The following RBFOX1 variants were observed in gnomAD, a reference collection of about 807,000 sequenced individuals.
RBFOX1 encodes RNA binding protein fox-1 homolog 1.
A neutral mutation model predicts 57.7 loss-of-function variants in RBFOX1; 8 were observed. That is an observed-to-expected ratio of 0.14 (90% CI 0.08 to 0.25). The LOEUF is 0.25. RBFOX1 is among the 10% of genes least tolerant of loss of function. The probability of loss-of-function intolerance (pLI) is 1.00; values close to 1 mark genes in which losing one functional copy is unlikely to be tolerated. For synonymous variants in RBFOX1, 326 were observed against 222.4 expected, an observed-to-expected ratio of 1.47 and a Z score of -4.15; for missense variants, 611 against 548.5, an observed-to-expected ratio of 1.11 and a Z score of -1.14.
chr16:7,350,947 C>T (rs576090517), intron 4 of RBFOX1, among the ~76,000 whole-genome samples: 2 of 152,182 alleles, frequency 1.3e-5, no homozygotes, highest in Non-Finnish European at 2.9e-5. Context: ...CCTGCCTGAG[C>T]ATGGAAGATC....
chr16:5,755,708 C>G (rs550991847), intron 3 of RBFOX1, among the ~76,000 whole-genome samples: 2 of 152,348 alleles, frequency 1.3e-5, no homozygotes, highest in East Asian at 1.9e-4. Flanking sequence ...AAGCGATTCT[C>G]CTGACTCGGC....
chr16:6,741,249 A>G (rs1310040269), intron 3 of RBFOX1, among the ~76,000 whole-genome samples: 1 of 152,240 alleles, frequency 6.6e-6, no homozygotes, highest in Admixed American at 6.5e-5. Context: ...TCGTAGGTTA[A>G]ATTGAAAACA....
At chr16:5,385,564 C>G (rs547788262) in intron 1 of RBFOX1, among the ~76,000 whole-genome samples, 2 of 152,266 alleles carry the variant, frequency 1.3e-5, no homozygotes, top group East Asian at 3.9e-4. Flanking sequence ...CCTTAAATGA[C>G]CTAGATCAGC....
At chr16:6,092,199 T>G (rs1188935146) in intron 1 of RBFOX1, among the ~76,000 whole-genome samples, 1 of 152,222 alleles carries the variant, frequency 6.6e-6, no homozygotes, top group Non-Finnish European at 1.5e-5. Flanking sequence ...CTAAGATTTA[T>G]TTATTGAGTG....
chr16:7,370,684 A>G (rs760814610), intron 4 of RBFOX1, among the ~76,000 whole-genome samples: 1 of 152,204 alleles, frequency 6.6e-6, no homozygotes, highest in African/African-American at 2.4e-5. Context: ...TTGCTAGTTC[A>G]TATTGAATTT....
intron 4 of RBFOX1, among the ~76,000 whole-genome samples, chr16:7,228,887 A>T (rs543184255): frequency 6.6e-6 from 1 of 152,180 alleles, no homozygotes; most frequent in African/African-American, 2.4e-5. Context: ...GCTTCACGTT[A>T]TCTGTTGCAT....
At chr16:6,531,596 A>T (rs2096658887) in intron 2 of RBFOX1, among the ~76,000 whole-genome samples, 1 of 152,162 alleles carries the variant, frequency 6.6e-6, no homozygotes. Context: ...GGTTTCAATA[A>T]AAGTGGCCTT....
chr16:6,222,278 C>T (rs1308061887), intron 1 of RBFOX1, among the ~76,000 whole-genome samples: 2 of 152,126 alleles, frequency 1.3e-5, no homozygotes, highest in African/African-American at 4.8e-5. Flanking sequence ...AAAATTATTT[C>T]TGACCTTCTT....
chr16:5,722,790 T>G (rs2051985171), intron 3 of RBFOX1, among the ~76,000 whole-genome samples: 1 of 152,204 alleles, frequency 6.6e-6, no homozygotes, highest in South Asian at 2.1e-4. Context: ...CAGTCTCGGC[T>G]TACCTCTGTT....
intron 3 of RBFOX1, among the ~76,000 whole-genome samples, chr16:5,616,817 A>T (rs1452239035): frequency 1.0e-5 from 1 of 100,090 alleles, no homozygotes; most frequent in Non-Finnish European, 1.9e-5. Context: ...CCCCTCCTCC[A>T]TCCTCTTCTT....
At chr16:5,993,031 G>A (rs189251373) in intron 4 of RBFOX1, among the ~76,000 whole-genome samples, 117 of 152,240 alleles carry the variant, frequency 7.7e-4, no homozygotes, top group South Asian at 1.2e-3. Context: ...GGGGACCCTG[G>A]GCTTGAGCCT....
intron 3 of RBFOX1, among the ~76,000 whole-genome samples, chr16:6,694,736 G>A (rs1221979724): frequency 6.6e-6 from 1 of 152,162 alleles, no homozygotes; most frequent in Non-Finnish European, 1.5e-5. Context: ...TTGGTAATAG[G>A]TATAAAAATG....
chr16:7,535,002 C>G (rs1044737846), intron 5 of RBFOX1, among the ~76,000 whole-genome samples: 1 of 152,188 alleles, frequency 6.6e-6, no homozygotes, highest in African/African-American at 2.4e-5. Flanking sequence ...GCTCTGTTAA[C>G]TCCCAAGTCA....
At chr16:5,490,896 C>T (rs1008022264) in intron 2 of RBFOX1, among the ~76,000 whole-genome samples, 1 of 152,154 alleles carries the variant, frequency 6.6e-6, no homozygotes, top group Non-Finnish European at 1.5e-5. Flanking sequence ...GGAGGTGCGT[C>T]ATTGGGTGAT....
At chr16:6,856,427 C>G (rs568313848) in intron 3 of RBFOX1, among the ~76,000 whole-genome samples, 2 of 151,998 alleles carry the variant, frequency 1.3e-5, no homozygotes, top group African/African-American at 4.8e-5. Flanking sequence ...AATCCTGATC[C>G]CACTCAGGAG....
chr16:7,175,495 C>G (rs1466428755), intron 4 of RBFOX1, among the ~76,000 whole-genome samples: 1 of 152,132 alleles, frequency 6.6e-6, no homozygotes, highest in African/African-American at 2.4e-5. Flanking sequence ...GAGACTTTCG[C>G]TGCCTGGTCA....
At chr16:6,846,146 G>A (rs2093743485) in intron 3 of RBFOX1, among the ~76,000 whole-genome samples, 1 of 152,124 alleles carries the variant, frequency 6.6e-6, no homozygotes, top group African/African-American at 2.4e-5. Flanking sequence ...TTGTTGCCTA[G>A]CCCAGAGCTG....
At chr16:6,647,399 C>A (rs1016286470) in intron 2 of RBFOX1, among the ~76,000 whole-genome samples, 2 of 152,140 alleles carry the variant, frequency 1.3e-5, no homozygotes, top group South Asian at 4.1e-4. Context: ...TGCCCACCAC[C>A]ATGCCTGGCT....
At chr16:5,752,323 A>G (rs755421315) in intron 3 of RBFOX1, among the ~76,000 whole-genome samples, 38 of 152,188 alleles carry the variant, frequency 2.5e-4, no homozygotes, top group Admixed American at 1.2e-3. Flanking sequence ...AAAACAACTA[A>G]TAGATACTAG....
Sources: allele counts gnomAD v4.1 joint callset (sites outside exome capture counted in the v4.1 genomes callset), GRCh38; gene constraint gnomAD v4.1.1; transcripts MANE v1.5; gene names NCBI Gene and HGNC (gene_info 2026-07-23, HGNC 2026-07-21).